Variants in PKNOX1 observed in about 807,000 individuals in gnomAD.
The protein encoded by PKNOX1 is PBX/knotted 1 homeobox 1.
Under a neutral mutation model 51.9 loss-of-function variants are expected in PKNOX1, and 15 were observed. That is an observed-to-expected ratio of 0.29 (90% CI 0.19 to 0.45). PKNOX1 has a LOEUF of 0.45. PKNOX1 is among the 20% of genes least tolerant of loss of function. PKNOX1 has a pLI of 1.00. For synonymous variants in PKNOX1, 219 were observed against 211.1 expected (o/e 1.04, Z -0.32); for missense variants, 462 against 547.5 (o/e 0.84, Z 1.56).
intron 1 of PKNOX1, among the ~76,000 whole-genome samples, chr21:42,998,447 C>T (rs534436487): frequency 2.6e-5 from 4 of 152,282 alleles, no homozygotes; most frequent in African/African-American, 9.6e-5. Flanking sequence ...CCAATCATGC[C>T]TTCCCAACAG....
intron 7 of PKNOX1, among the ~76,000 whole-genome samples, chr21:43,018,676 AC>A (rs1464104795): frequency 6.6e-6 from 1 of 151,906 alleles, no homozygotes; most frequent in African/African-American, 2.4e-5. Context: ...CTCCATCATG[AC>A]AATGTCATTG....
intron 5 of PKNOX1, among the ~76,000 whole-genome samples, chr21:43,015,353 T>A (rs1169187112): frequency 6.6e-6 from 1 of 152,260 alleles, no homozygotes; most frequent in Non-Finnish European, 1.5e-5. Flanking sequence ...TGATTTTTCT[T>A]CTTTAGCCTG....
chr21:43,009,212 C>G (rs1047177531), intron 3 of PKNOX1, among the ~76,000 whole-genome samples: 15 of 152,302 alleles, frequency 9.8e-5, no homozygotes, highest in Non-Finnish European at 1.5e-4. Flanking sequence ...CTTTGGGAGG[C>G]TGAGGCGGTT....
chr21:42,990,096 CA>C (rs34974471), intron 1 of PKNOX1, among the ~76,000 whole-genome samples: 125,419 of 144,454 alleles, frequency 0.87, 54,461 homozygotes, highest in African/African-American at 0.93. Flanking sequence ...GACCCTGTCT[CA>C]AAAAAAAAAA....
chr21:43,002,472 TTGAC>T (rs1272324231), intron 1 of PKNOX1, among the ~76,000 whole-genome samples: 1 of 148,652 alleles, frequency 6.7e-6, no homozygotes, highest in African/African-American at 2.5e-5. Context: ...CCTGTGCCCT[TTGAC>T]TGCACCCCCT....
In PKNOX1 at chr21:42,999,667, G is replaced by T. The variant is rs544123317; in HGVS notation, c.-56-4659G>T. Among the ~76,000 whole-genome samples the T allele has an allele frequency of 3.9e-5, 6 of 152,156 alleles. 1 individual carries two copies. Among genetic ancestry groups the T allele is most frequent in the African/African-American group, 1.4e-4 (6 of 41,518 alleles). ...GGCTAATTTTCGTATTTTTAGTAGAGACGGGGTTTCTCCATGTTGGTCAGG... is the reference window on the plus strand; with the variant it reads ...GGCTAATTTTCGTATTTTTAGTAGATACGGGGTTTCTCCATGTTGGTCAGG... On this transcript the variant is annotated intron_variant, in intron 1 of 10. Transcript: ENST00000291547.
rs775143838 is a variant in PKNOX1, at chr21:43,010,150, A to G, written c.277A>G (p.Ile93Val). The change falls in exon 4 of 11, where the codon ATC (isoleucine) becomes GTC (valine). Residue 93 changes from isoleucine to valine, a missense_variant. This residue lies in a region of PKNOX1 where 129 missense variants were observed against 133.4 expected (regional missense o/e 0.97). Coordinates refer to ENST00000291547, the MANE Select transcript of PKNOX1 (RefSeq NM_004571.5). ...GTTSASFDVDIENFVRKQEKE... is the reference protein window; with the variant it reads ...GTTSASFDVDVENFVRKQEKE... Reference sequence around the variant, plus strand: ...AACTTCTGCCAGTTTTGATGTAGACATCGAAAATTTTGTAAGAAAGCAAGA... The same window carrying G: ...AACTTCTGCCAGTTTTGATGTAGACGTCGAAAATTTTGTAAGAAAGCAAGA... 1.6e-5 allele frequency: 26 copies of G among 1,606,524 alleles called. No individual in the cohort carries two copies. The East Asian group carries it at 4.9e-4, about 30-fold the overall frequency.
chr21:43,027,305 A>T (rs1980025497), intron 9 of PKNOX1, among the ~76,000 whole-genome samples: 1 of 152,222 alleles, frequency 6.6e-6, no homozygotes, highest in Non-Finnish European at 1.5e-5. Context: ...CTGGTTTGAT[A>T]GGCGCTTTCA....
chr21:42,981,375 C>T (rs1056173698), intron 1 of PKNOX1, among the ~76,000 whole-genome samples: 3 of 152,106 alleles, frequency 2.0e-5, no homozygotes, highest in African/African-American at 7.2e-5. Context: ...GATTATTAGC[C>T]CCTGCCGGTT....
At chr21:43,001,813 A>G (rs1166309742) in intron 1 of PKNOX1, among the ~76,000 whole-genome samples, 1 of 151,762 alleles carries the variant, frequency 6.6e-6, no homozygotes, top group Non-Finnish European at 1.5e-5. Context: ...ACAAAAAATT[A>G]GCCGGACGTA....
chr21:43,006,263 A>G (rs1453523206), intron 2 of PKNOX1, among the ~76,000 whole-genome samples: 1 of 152,122 alleles, frequency 6.6e-6, no homozygotes, highest in Non-Finnish European at 1.5e-5. Flanking sequence ...ACCTGGGATT[A>G]CAGGTGTGTG....
intron 1 of PKNOX1, among the ~76,000 whole-genome samples, chr21:42,985,275 C>A (rs1056876820): frequency 6.6e-6 from 1 of 152,100 alleles, no homozygotes; most frequent in Non-Finnish European, 1.5e-5. Flanking sequence ...GCGTGAGCCA[C>A]TGTGCCTGGC....
chr21:43,032,314 T>TTCCCTCACCCCCCTCCGTCTCTTCG lies in PKNOX1; in HGVS notation c.*2222_*2223insCCCCTCCGTCTCTTCGTCCCTCACC. 2 of 414,952 alleles carry TTCCCTCACCCCCCTCCGTCTCTTCG rather than the reference T, an allele frequency of 4.8e-6. No individual in the cohort carries two copies. The highest frequency in any genetic ancestry group is 2.6e-5 in the Admixed American group (1 of 39,068). 25.7% of individuals were successfully genotyped at this position (414,952 alleles called of 1,614,324 possible). ...ATGAAAGCCAGCCAGCCCTTCCTCC[T>TTCCCTCACCCCCCTCCGTCTCTTCG]TCCCTCACCACCCTCCGTCTCTTCG... On this transcript the variant is annotated 3_prime_UTR_variant, in exon 11 of 11. Transcript: ENST00000291547.
At chr21:43,000,047 G>A (rs1429417037) in intron 1 of PKNOX1, among the ~76,000 whole-genome samples, 1 of 151,702 alleles carries the variant, frequency 6.6e-6, no homozygotes. Flanking sequence ...CCCCACCTCC[G>A]AGACCTCCTC....
intron 1 of PKNOX1, among the ~76,000 whole-genome samples, chr21:42,975,413 G>A (rs78663429): frequency 0.035 from 5,344 of 152,214 alleles, 135 homozygotes; most frequent in Middle Eastern, 0.061. Flanking sequence ...CCGGCGTCCC[G>A]GGAATTGGTG....
rs1978442325 is a variant in PKNOX1 at position 42,995,136 on chromosome 21, G to T, written c.-56-9190G>T. 2.6e-5 allele frequency among the ~76,000 whole-genome samples: 4 copies of T among 151,858 alleles called. No individual in the cohort carries two copies. In the South Asian group the frequency reaches 8.3e-4, roughly 32 times the overall value. On this transcript the variant is annotated intron_variant, in intron 1 of 10. Coordinates refer to ENST00000291547, the MANE Select transcript of PKNOX1 (RefSeq NM_004571.5). ...GGGGTTTTACCATCTTGGCCAGGCT[G>T]GTCTCGAACTCCTGACCTCAGGTAG...
intron 1 of PKNOX1, among the ~76,000 whole-genome samples, chr21:42,982,766 T>C (rs954367762): frequency 6.6e-6 from 1 of 151,248 alleles, no homozygotes; most frequent in African/African-American, 2.4e-5. Context: ...AACATTAAAT[T>C]GCTAAACTTT....
In PKNOX1 at chr21:42,985,217, C is replaced by T. The variant is rs199931374; in HGVS notation, c.-57+10553C>T. The stretch of plus-strand genomic sequence containing the variant: ...GGCCAGGCTGATCTCGAACTCCTCA[C>T]CTCAGGTGATCCACCCTCCTCGGCC... On this transcript the variant is annotated intron_variant, in intron 1 of 10. Transcript: ENST00000291547. Among the ~76,000 whole-genome samples the T allele has an allele frequency of 3.9e-4, 59 of 152,136 alleles. No individual in the cohort carries two copies. The East Asian group carries it at 0.011, about 27-fold the overall frequency.
intron 7 of PKNOX1, among the ~76,000 whole-genome samples, chr21:43,019,483 G>A (rs1377759598): frequency 6.6e-6 from 1 of 151,420 alleles, no homozygotes; most frequent in Non-Finnish European, 1.5e-5. Context: ...TATTTGATAT[G>A]CAGTCTGTTT....
Sources: allele counts gnomAD v4.1 joint callset (sites outside exome capture counted in the v4.1 genomes callset), GRCh38; gene constraint gnomAD v4.1.1; regional missense constraint gnomAD v4.1.1; transcripts MANE v1.5; gene names NCBI Gene and HGNC (gene_info 2026-07-23, HGNC 2026-07-21).